FBXW7: variants seen among roughly 807,000 people sequenced by gnomAD.
FBXW7 encodes the protein F-box and WD repeat domain containing 7, also known as F-box/WD repeat-containing protein 7.
FBXW7 carries 11 observed loss-of-function variants against 86.3 expected under a neutral mutation model. That is an observed-to-expected ratio of 0.13 (90% CI 0.08 to 0.21). The LOEUF is 0.21. Among genes scored for constraint, FBXW7 ranks in the 10% least tolerant of loss-of-function variants. The probability of loss-of-function intolerance (pLI) is 1.00; values close to 1 mark genes in which losing one functional copy is unlikely to be tolerated. For synonymous variants in FBXW7, 313 were observed against 297.9 expected, an observed-to-expected ratio of 1.05 and a Z score of -0.52; for missense variants, 488 against 847.4, an observed-to-expected ratio of 0.58 and a Z score of 5.27.
chr4:152,389,768 C>T (rs74289465), intron 4 of FBXW7, among the ~76,000 whole-genome samples: 2,081 of 151,942 alleles, frequency 0.014, 26 homozygotes, highest in Middle Eastern at 0.037. Context: ...CAAAAAAAAG[C>T]ATATTACAGC....
At chr4:152,525,375 C>T (rs768122038) in intron 2 of FBXW7, among the ~76,000 whole-genome samples, 18 of 152,108 alleles carry the variant, frequency 1.2e-4, no homozygotes, top group South Asian at 6.2e-4. Context: ...ACACATGTCA[C>T]GAGGGTGTGC....
intron 2 of FBXW7, among the ~76,000 whole-genome samples, chr4:152,456,962 C>A (rs1348857051): frequency 1.3e-5 from 2 of 152,112 alleles, no homozygotes; most frequent in Admixed American, 6.5e-5. Context: ...TAACCCAATC[C>A]AGCAATAACA....
intron 2 of FBXW7, among the ~76,000 whole-genome samples, chr4:152,477,132 C>G (rs1744483491): frequency 6.6e-6 from 1 of 151,746 alleles, no homozygotes; most frequent in South Asian, 2.1e-4. Context: ...TCAACTCCAA[C>G]TCAGGAGTCT....
intron 4 of FBXW7, chr4:152,353,019 C>A: frequency 1.7e-6 from 2 of 1,207,602 alleles, no homozygotes; most frequent in Non-Finnish European, 2.1e-6. Context: ...ACACGACAGC[C>A]CCCTCTCCCC....
rs568314433 is a variant in FBXW7 at position 152,449,379 on chromosome 4, G to A, written c.-119-36850C>T. Reference sequence around the variant, plus strand: ...AGGACTGATGGAAGAGGGTAGGAGGGTAACTGAATAAAATATACAAGCAAA... The same window carrying A: ...AGGACTGATGGAAGAGGGTAGGAGGATAACTGAATAAAATATACAAGCAAA... On this transcript the variant is annotated intron_variant, in intron 2 of 13. Coordinates refer to ENST00000281708, the MANE Select transcript of FBXW7 (RefSeq NM_001349798.2). Among the ~76,000 whole-genome samples the A allele has an allele frequency of 9.3e-4, 141 of 152,252 alleles. 1 individual carries two copies. Among genetic ancestry groups the A allele is most frequent in the African/African-American group, 3.3e-3 (137 of 41,556 alleles).
chr4:152,429,014 A>C (rs1739633941), intron 2 of FBXW7, among the ~76,000 whole-genome samples: 1 of 151,830 alleles, frequency 6.6e-6, no homozygotes, highest in African/African-American at 2.4e-5. Flanking sequence ...ACATGGAGAA[A>C]CTCCGTCTCT....
chr4:152,404,998 G>A (rs1737278216), intron 4 of FBXW7, among the ~76,000 whole-genome samples: 1 of 151,412 alleles, frequency 6.6e-6, no homozygotes, highest in African/African-American at 2.4e-5. Flanking sequence ...AGGCTGAGGT[G>A]GGAGAATTGC....
intron 2 of FBXW7, among the ~76,000 whole-genome samples, chr4:152,503,054 G>A (rs1747101683): frequency 6.6e-6 from 1 of 152,094 alleles, no homozygotes. Context: ...TACATAAAGA[G>A]ATGGTAAAGA....
chr4:152,496,978 T>C (rs892376177), intron 2 of FBXW7, among the ~76,000 whole-genome samples: 4 of 152,166 alleles, frequency 2.6e-5, no homozygotes, highest in Non-Finnish European at 5.9e-5. Flanking sequence ...AGAAGAGAGA[T>C]TCTACAAATG....
chr4:152,429,510 T>G (rs1739699233), intron 2 of FBXW7, among the ~76,000 whole-genome samples: 1 of 152,032 alleles, frequency 6.6e-6, no homozygotes, highest in Non-Finnish European at 1.5e-5. Context: ...AAAGAGATAG[T>G]CATAATGGCA....
chr4:152,521,691 G>GAAGGGATCCCA (rs1749027186), intron 2 of FBXW7, among the ~76,000 whole-genome samples: 1 of 151,836 alleles, frequency 6.6e-6, no homozygotes, highest in Non-Finnish European at 1.5e-5. Context: ...ATCTGGACTA[G>GAAGGGATCCCA]AAGGGATCCC....
rs200250767 is a variant in FBXW7, at chr4:152,482,894, C to T, written c.-120+52047G>A. On this transcript the variant is annotated intron_variant, in intron 2 of 13. Transcript: ENST00000281708. ...GATAAATAAAATAATTTTAAGTTTA[C>T]CACAAACAATAGACCTACTGAGCTA... Among the ~76,000 whole-genome samples the T allele has an allele frequency of 7.9e-5, 12 of 152,152 alleles. 1 individual carries two copies. The East Asian group carries it at 2.3e-3, about 29-fold the overall frequency.
intron 4 of FBXW7, among the ~76,000 whole-genome samples, chr4:152,395,669 C>G (rs556781627): frequency 1.3e-5 from 2 of 152,180 alleles, no homozygotes; most frequent in African/African-American, 4.8e-5. Context: ...CGCACTTCCA[C>G]TCCAAACAAC....
chr4:152,435,987 T>C (rs1045865396), intron 2 of FBXW7, among the ~76,000 whole-genome samples: 1 of 152,200 alleles, frequency 6.6e-6, no homozygotes. Context: ...TGTTGTGTAT[T>C]CTGACTACTA....
chr4:152,533,587 C>T (rs1306540878), intron 2 of FBXW7, among the ~76,000 whole-genome samples: 1 of 152,104 alleles, frequency 6.6e-6, no homozygotes, highest in East Asian at 1.9e-4. Flanking sequence ...AGACATTATT[C>T]TAAGACAACA....
chr4:152,496,872 A>C (rs1301520589), intron 2 of FBXW7, among the ~76,000 whole-genome samples: 2 of 152,210 alleles, frequency 1.3e-5, no homozygotes, highest in Admixed American at 6.5e-5. Flanking sequence ...CATTGAGAGA[A>C]GATTCACCTT....
intron 4 of FBXW7, among the ~76,000 whole-genome samples, chr4:152,394,664 T>C (rs538361858): frequency 6.6e-6 from 1 of 152,226 alleles, no homozygotes; most frequent in African/African-American, 2.4e-5. Context: ...CATAGACTTG[T>C]AACATTACAA....
chr4:152,332,738 G>A lies in FBXW7; in HGVS notation c.862-19C>T. On this transcript the variant is annotated intron_variant, in intron 7 of 13. Transcript: ENST00000281708. Reference sequence around the variant, plus strand: ...GTGCCAACTAAGAAAAAAATGCATAGTATAATACCCATATTTAAATAAATA... The same window carrying A: ...GTGCCAACTAAGAAAAAAATGCATAATATAATACCCATATTTAAATAAATA... 3 of 1,340,614 alleles carry A rather than the reference G, an allele frequency of 2.2e-6. No homozygotes were observed. Among genetic ancestry groups the A allele is most frequent in the Non-Finnish European group, 2.9e-6 (3 of 1,017,852 alleles). 83.0% of individuals were successfully genotyped at this position (1,340,614 alleles called of 1,614,324 possible). A position where few individuals can be genotyped will look rare whatever the true frequency, so the allele number is the denominator to read the frequency against.
intron 2 of FBXW7, among the ~76,000 whole-genome samples, chr4:152,502,092 A>G (rs1416026729): frequency 6.6e-6 from 1 of 152,186 alleles, no homozygotes; most frequent in Non-Finnish European, 1.5e-5. Flanking sequence ...AAAATACTTT[A>G]ATCACATACA....
Sources: allele counts gnomAD v4.1 joint callset (sites outside exome capture counted in the v4.1 genomes callset), GRCh38; gene constraint gnomAD v4.1.1; transcripts MANE v1.5; gene names NCBI Gene and HGNC (gene_info 2026-07-23, HGNC 2026-07-21).